Variants in PCDHA7 observed in about 807,000 individuals in gnomAD.
PCDHA7 encodes the protein protocadherin alpha-7.
A neutral mutation model predicts 57.2 loss-of-function variants in PCDHA7; 37 were observed. The ratio of observed to expected loss-of-function variants is 0.65; its 90% CI spans 0.50 to 0.85. The LOEUF is 0.85. PCDHA7 is among the 40% of genes least tolerant of loss of function. PCDHA7 has a pLI of 0.00. For missense variants in PCDHA7, 1,188 were observed against 1,241.8 expected, an observed-to-expected ratio of 0.96 and a Z score of 0.65; for synonymous variants, 553 against 558.8, an observed-to-expected ratio of 0.99 and a Z score of 0.15.
rs10602499 is a variant in PCDHA7 at position 140,992,017 on chromosome 5, C to CTGTGTGTGTG, written c.2503+9482_2503+9491dup. Among the ~76,000 whole-genome samples, 121 of 145,620 alleles carry CTGTGTGTGTG rather than the reference C, an allele frequency of 8.3e-4. 2 individuals are homozygous for CTGTGTGTGTG. The highest frequency in any genetic ancestry group is 3.5e-3 in the Middle Eastern group (1 of 288). ...CTTTCATGTTCAGGCAGAGGTGGCT[C>CTGTGTGTGTG]TGTGTGTGTGTGTGTGTGTGTGTGT... On this transcript the variant is annotated intron_variant, in intron 3 of 3. Transcript: ENST00000525929.
chr5:140,963,496 A>C (rs1554226617), intron 1 of PCDHA7, among the ~76,000 whole-genome samples: 2 of 152,232 alleles, frequency 1.3e-5, no homozygotes, highest in African/African-American at 2.4e-5. Context: ...TGAGGAAACA[A>C]ATCTCTTGAA....
chr5:140,838,277 C>A (rs1372363386), intron 1 of PCDHA7, among the ~76,000 whole-genome samples: 1 of 74,748 alleles, frequency 1.3e-5, no homozygotes, highest in South Asian at 4.1e-4. Context: ...CCAAGCCATG[C>A]TAATTTTTTT....
In PCDHA7 at chr5:140,836,157, G is replaced by A. The variant is rs2150254365; in HGVS notation, c.1774G>A (p.Ala592Thr). ...GTCTGTGGGCGCGGGCCATGTGGTG[G>A]CGAAGGTACGTGCAGTTGACGCTGA... is the stretch of plus-strand genomic sequence containing the variant. ...PRSVGAGHVVAKVRAVDADSG... is the reference protein window; with the variant it reads ...PRSVGAGHVVTKVRAVDADSG... The change falls in exon 1 of 4, where the codon GCG (alanine) becomes ACG (threonine). Residue 592 changes from alanine to threonine, a missense_variant. By Grantham distance (58) the Ala-to-Thr change is moderately conservative. Transcript: ENST00000525929. 2 of 1,613,822 alleles carry A rather than the reference G, an allele frequency of 1.2e-6. No homozygotes were observed. Among genetic ancestry groups the A allele is most frequent in the Admixed American group, 1.7e-5 (1 of 60,022 alleles).
At chr5:140,985,203 T>C (rs1274620928) in intron 3 of PCDHA7, among the ~76,000 whole-genome samples, 1 of 152,092 alleles carries the variant, frequency 6.6e-6, no homozygotes, top group Non-Finnish European at 1.5e-5. Flanking sequence ...TCCCAAAGTG[T>C]TGGGATTACA....
In PCDHA7 at chr5:140,928,392, G is replaced by A. The variant is rs17844366; in HGVS notation, c.2356-50557G>A. 2.0e-4 allele frequency: 326 copies of A among 1,614,052 alleles called. No homozygotes were observed. The East Asian group carries it at 6.6e-3, about 32-fold the overall frequency. Reference sequence around the variant, plus strand: ...CATCAGCCTCTAGCTTGCTGGCAGTGGAATCATCCAGTGGGGCCATCACTG... The same window carrying A: ...CATCAGCCTCTAGCTTGCTGGCAGTAGAATCATCCAGTGGGGCCATCACTG... On this transcript the variant is annotated intron_variant, in intron 1 of 3. Transcript: ENST00000525929.
At position 140,947,028 on chromosome 5, in the gene PCDHA7, T is replaced by C. The variant is rs111523441; in HGVS notation, c.2356-31921T>C. Among the ~76,000 whole-genome samples the C allele has an allele frequency of 4.6e-3, 693 of 151,852 alleles. 1 individual carries two copies. Among genetic ancestry groups the C allele is most frequent in the Middle Eastern group, 6.8e-3 (2 of 294 alleles). ...AATGATAAATGTTTGAGGTAATGGA[T>C]ATACTAATTACCCTGATTTGATCAT... On this transcript the variant is annotated intron_variant, in intron 1 of 3. Transcript: ENST00000525929.
At chr5:140,883,635 C>T (rs997170789) in intron 1 of PCDHA7, 1 of 1,613,182 alleles carries the variant, frequency 6.2e-7, no homozygotes, top group Non-Finnish European at 8.5e-7. Flanking sequence ...CCGGCGTTCG[C>T]GCAGCCCGAG....
chr5:140,876,899 C>T (rs781884794), intron 1 of PCDHA7: 2 of 1,614,092 alleles, frequency 1.2e-6, no homozygotes, highest in South Asian at 2.2e-5. Context: ...CACATCTTCA[C>T]GGTGTCGGCA....
At chr5:140,842,727 C>G (rs1554139317) in intron 1 of PCDHA7, 1 of 1,594,926 alleles carries the variant, frequency 6.3e-7, no homozygotes, top group East Asian at 2.2e-5. Context: ...GAGAACAACC[C>G]GCCGGGCTGC....
chr5:140,843,521 G>A (rs1168797267), intron 1 of PCDHA7: 1 of 1,595,866 alleles, frequency 6.3e-7, no homozygotes, highest in Non-Finnish European at 8.6e-7. Context: ...CGGGTGCCGG[G>A]CGGGCAAGCC....
In PCDHA7 at chr5:140,869,658, T is replaced by C. The variant is rs370211026; in HGVS notation, c.2355+32920T>C. 1.2e-5 allele frequency: 19 copies of C among 1,613,432 alleles called. No homozygotes were observed. The African/African-American group carries it at 2.1e-4, about 18-fold the overall frequency. ...ATTTTTCTTTAGATTCACCAACAAATGGTAAGCAGATTAAAAGACTGTCAC... is the reference window on the plus strand; with the variant it reads ...ATTTTTCTTTAGATTCACCAACAAACGGTAAGCAGATTAAAAGACTGTCAC... On this transcript the variant is annotated intron_variant, in intron 1 of 3. Coordinates refer to ENST00000525929, the MANE Select transcript of PCDHA7 (RefSeq NM_018910.3).
At chr5:140,846,974 T>G (rs1257358967) in intron 1 of PCDHA7, among the ~76,000 whole-genome samples, 1 of 149,546 alleles carries the variant, frequency 6.7e-6, no homozygotes, top group Non-Finnish European at 1.5e-5. Context: ...GGTTTTAAAA[T>G]AAGTAAGTTC....
At chr5:140,838,621 C>T (rs2150290768) in intron 1 of PCDHA7, among the ~76,000 whole-genome samples, 40 of 151,992 alleles carry the variant, frequency 2.6e-4, no homozygotes, top group Non-Finnish European at 5.1e-4. Context: ...AAATTTTTTA[C>T]AAATAATTTG....
chr5:140,924,527 G>T (rs2081885403), intron 1 of PCDHA7, among the ~76,000 whole-genome samples: 1 of 152,074 alleles, frequency 6.6e-6, no homozygotes. Context: ...AAAAGAGAAT[G>T]CCCGAGCTAC....
intron 1 of PCDHA7, among the ~76,000 whole-genome samples, chr5:140,960,338 G>A (rs2095541394): frequency 6.6e-6 from 1 of 152,172 alleles, no homozygotes; most frequent in Admixed American, 6.5e-5. Context: ...AGTACATGAG[G>A]TGAGATATGT....
chr5:140,997,133 C>A (rs1554255761), intron 3 of PCDHA7, among the ~76,000 whole-genome samples: 3 of 152,090 alleles, frequency 2.0e-5, no homozygotes, highest in Non-Finnish European at 4.4e-5. Flanking sequence ...ACAATGCCCC[C>A]ACACCCCCGC....
chr5:140,979,408 G>GTT (rs558051720), intron 2 of PCDHA7, among the ~76,000 whole-genome samples: 2 of 147,646 alleles, frequency 1.4e-5, no homozygotes, highest in African/African-American at 2.5e-5. Context: ...TGTCTACCTT[G>GTT]TTTTTTTTTT....
At chr5:140,848,664 G>A (rs1470524559) in intron 1 of PCDHA7, 6 of 1,592,252 alleles carry the variant, frequency 3.8e-6, no homozygotes, top group Non-Finnish European at 4.3e-6. Context: ...GCTGGAGCTG[G>A]CGGAGCTGGT....
At chr5:140,949,474 G>T (rs2094384891) in intron 1 of PCDHA7, among the ~76,000 whole-genome samples, 1 of 151,524 alleles carries the variant, frequency 6.6e-6, no homozygotes, top group Admixed American at 6.6e-5. Flanking sequence ...CTGTTATTAG[G>T]CACACACATT....
Sources: gnomAD v4.1 joint callset for allele counts (sites outside exome capture counted in the v4.1 genomes callset) on GRCh38, gnomAD v4.1.1 for gene constraint, MANE v1.5 for transcripts, NCBI Gene and HGNC (gene_info 2026-07-23, HGNC 2026-07-21) for gene names.